DIP2A: variants seen among roughly 807,000 people sequenced by gnomAD.
DIP2A encodes the protein disco-interacting protein 2 homolog A.
Under a neutral mutation model 177.4 loss-of-function variants are expected in DIP2A, and 85 were observed. The observed-to-expected ratio is 0.48, with a 90% CI of 0.40 to 0.57. The LOEUF (loss-of-function observed/expected upper bound fraction) is 0.57, where lower values mean the gene tolerates loss of function less well. Among genes scored for constraint, DIP2A ranks in the 20% least tolerant of loss-of-function variants. The pLI is 0.00. For synonymous variants in DIP2A, 886 were observed against 881.8 expected (o/e 1.00, Z -0.08); for missense variants, 1,791 against 2,100.2 (o/e 0.85, Z 2.88).
intron 33 of DIP2A, chr21:46,561,136 A>G: frequency 1.5e-6 from 1 of 673,954 alleles, no homozygotes; most frequent in Non-Finnish European, 2.0e-6. Flanking sequence ...TTAGAGGGAC[A>G]GGGACAGAGA....
In DIP2A at chr21:46,465,552, T is replaced by C. The variant is rs565565989; in HGVS notation, c.91+6330T>C. 4.2e-4 allele frequency among the ~76,000 whole-genome samples: 64 copies of C among 152,330 alleles called. No individual in the cohort carries two copies. In the Middle Eastern group the frequency reaches 0.01, roughly 24 times the overall value. On this transcript the variant is annotated intron_variant, in intron 1 of 37. Transcript: ENST00000417564. ...TGATACTAAGATGCCATTTCTGTTT[T>C]CACTGTGTTGACACTTGTACTGATG...
chr21:46,495,429 C>T (rs573221546), intron 3 of DIP2A, among the ~76,000 whole-genome samples: 8 of 151,836 alleles, frequency 5.3e-5, no homozygotes, highest in South Asian at 4.2e-4. Context: ...CCACCATGCC[C>T]GGCTAATTTT....
At chr21:46,553,259 T>C (rs1278528890) in intron 25 of DIP2A, 2 of 152,280 alleles carry the variant, frequency 1.3e-5, no homozygotes, top group Non-Finnish European at 2.9e-5. Flanking sequence ...GTGCGTCCAC[T>C]GGTCTCTCTC....
downstream of DIP2A, among the ~76,000 whole-genome samples, chr21:46,572,305 A>G (rs2060974427): frequency 6.6e-6 from 1 of 152,212 alleles, no homozygotes. Flanking sequence ...AAGAAAAATT[A>G]TGTTTAGTGT....
At chr21:46,515,899 T>C (rs1275926758) in intron 8 of DIP2A, among the ~76,000 whole-genome samples, 1 of 152,214 alleles carries the variant, frequency 6.6e-6, no homozygotes, top group Non-Finnish European at 1.5e-5. Flanking sequence ...TTTTACTATA[T>C]ACATTCCTTC....
At chr21:46,470,860 C>T (rs1006015916) in intron 1 of DIP2A, among the ~76,000 whole-genome samples, 4 of 145,030 alleles carry the variant, frequency 2.8e-5, no homozygotes, top group East Asian at 4.1e-4. Context: ...ACCCAGGAGG[C>T]GGAGGTTGCA....
rs1284062953 is a variant in DIP2A, at chr21:46,558,470, G to C, written c.3969+77G>C. On this transcript the variant is annotated intron_variant, in intron 32 of 37. Coordinates refer to ENST00000417564, the MANE Select transcript of DIP2A (RefSeq NM_015151.4). ...GACCCAGTTTCCCAGTTGTTAATGT[G>C]CCGTTTTGTAGCCGCCTGATCTATT... The C allele has an allele frequency of 2.1e-6, 3 of 1,454,238 alleles. No homozygotes were observed. In the East Asian group the frequency reaches 7.4e-5, roughly 36 times the overall value. The allele number at this position is 1,454,238 out of a possible 1,614,324, so 90.1% of individuals were successfully genotyped here. A position where few individuals can be genotyped will look rare whatever the true frequency, so the allele number is the denominator to read the frequency against.
In DIP2A at chr21:46,532,215, T is replaced by C. The variant is rs192323584; in HGVS notation, c.1283T>C (p.Ile428Thr). 3.5e-3 allele frequency: 5,694 copies of C among 1,613,896 alleles called. 11 individuals carry two copies. The highest frequency in any genetic ancestry group is 4.4e-3 in the Non-Finnish European group (5,138 of 1,179,842). The change falls in exon 10 of 38, where the codon ATA (isoleucine) becomes ACA (threonine). Residue 428 changes from isoleucine to threonine, a missense_variant. By Grantham distance (89) the Ile-to-Thr change is moderately conservative. Coordinates refer to ENST00000417564, the MANE Select transcript of DIP2A (RefSeq NM_015151.4). Reference sequence around the variant, plus strand: ...CTGGCAGAGCTGGTTCCTGTCCCCATAGAAGTGCCATTAACAAGAAAGGTA... The same window carrying C: ...CTGGCAGAGCTGGTTCCTGTCCCCACAGAAGTGCCATTAACAAGAAAGGTA... Reference protein sequence around the residue: ...CLLAELVPVPIEVPLTRKDAG... With the variant: ...CLLAELVPVPTEVPLTRKDAG...
At position 46,563,450 on chromosome 21, in the gene DIP2A, G is replaced by A. The variant is rs952100508; in HGVS notation, c.4090-408G>A. On this transcript the variant is annotated intron_variant, in intron 34 of 37. Coordinates refer to ENST00000417564, the MANE Select transcript of DIP2A (RefSeq NM_015151.4). The surrounding 1 kb of genome is among the most constrained non-coding windows in gnomAD (Gnocchi z 4.3). ...TGGACTGACTCGGAGTCACGGGCAG[G>A]AAGAACTTCCTCATGGTCAGGTTCC... Among the ~76,000 whole-genome samples, 1 of 152,184 alleles carries A rather than the reference G, an allele frequency of 6.6e-6. No homozygotes were observed. Among genetic ancestry groups the A allele is most frequent in the East Asian group, 1.9e-4 (1 of 5,174 alleles).
At chr21:46,545,407 G>A in intron 19 of DIP2A, 134 bp downstream of exon 19, 1 of 1,069,376 alleles carries the variant, frequency 9.4e-7, no homozygotes, top group Non-Finnish European at 1.3e-6. Context: ...TGCTGGGGCT[G>A]TTGGCACATG....
Position 46,513,446 on chromosome 21 carries a change from G to A in DIP2A, c.1102+1832G>A, listed in dbSNP as rs559129842. Among the ~76,000 whole-genome samples the A allele has an allele frequency of 2.4e-4, 36 of 152,174 alleles. No individual in the cohort carries two copies. The South Asian group carries it at 6.4e-3, about 27-fold the overall frequency. On this transcript the variant is annotated intron_variant, in intron 8 of 37. Coordinates refer to ENST00000417564, the MANE Select transcript of DIP2A (RefSeq NM_015151.4). ...GGTCTGTTTCTGGGCTCCTGTTGGC[G>A]GGGGGTGTTGTCAGTCTGTTGTCTC...
At chr21:46,464,928 A>T (rs2148256651) in intron 1 of DIP2A, among the ~76,000 whole-genome samples, 1 of 144,922 alleles carries the variant, frequency 6.9e-6, no homozygotes, top group Non-Finnish European at 1.5e-5. Context: ...AGAGCACTTT[A>T]GTTAAATGGT....
downstream of DIP2A, among the ~76,000 whole-genome samples, chr21:46,571,872 C>T (rs561346617): frequency 5.0e-4 from 76 of 152,258 alleles, no homozygotes; most frequent in African/African-American, 1.8e-3. Context: ...TCCTCTTTTC[C>T]TATTTGAATA....
At chr21:46,577,948 A>G in the DIP2A span, among the ~76,000 whole-genome samples, 1 of 152,206 alleles carries the variant, frequency 6.6e-6, no homozygotes, top group Non-Finnish European at 1.5e-5. Context: ...CTGTTGGTGT[A>G]TAGAAATGCT....
intron 9 of DIP2A, among the ~76,000 whole-genome samples, chr21:46,531,884 C>G (rs1422782264): frequency 6.6e-6 from 1 of 152,146 alleles, no homozygotes; most frequent in Non-Finnish European, 1.5e-5. Context: ...AATATAGATA[C>G]AGCTTAAATT....
intron 3 of DIP2A, among the ~76,000 whole-genome samples, chr21:46,493,790 G>T (rs1206014607): frequency 6.6e-6 from 1 of 152,148 alleles, no homozygotes; most frequent in African/African-American, 2.4e-5. Flanking sequence ...TTAAATGTGA[G>T]ATTTTTAAAT....
intron 8 of DIP2A, among the ~76,000 whole-genome samples, chr21:46,527,685 T>G (rs1345033080): frequency 6.6e-6 from 1 of 152,078 alleles, no homozygotes; most frequent in African/African-American, 2.4e-5. Flanking sequence ...TTCATAGTGT[T>G]GCACCTGAGC....
the DIP2A span, among the ~76,000 whole-genome samples, chr21:46,583,558 T>C: frequency 2.6e-5 from 4 of 152,216 alleles, no homozygotes; most frequent in Non-Finnish European, 5.9e-5. Context: ...TGAATTTTTG[T>C]TCACTCCAAA....
At chr21:46,469,220 T>C (rs2055139011) in intron 1 of DIP2A, 1 of 152,276 alleles carries the variant, frequency 6.6e-6, no homozygotes, top group Non-Finnish European at 1.5e-5. Context: ...GGCATTTTAA[T>C]GGATGCTTAT....
Sources: allele counts gnomAD v4.1 joint callset (sites outside exome capture counted in the v4.1 genomes callset), GRCh38; gene constraint gnomAD v4.1.1; non-coding constraint Gnocchi (gnomAD v3.1); transcripts MANE v1.5; gene names NCBI Gene and HGNC (gene_info 2026-07-23, HGNC 2026-07-21).